The following HAPLN2 variants were observed in gnomAD, a reference collection of about 807,000 sequenced individuals.
The protein encoded by HAPLN2 is brain link protein-1.
In HAPLN2, 27 loss-of-function variants were observed where a neutral mutation model predicts 29.3. That is an observed-to-expected ratio of 0.92 (90% CI 0.68 to 1.27). The LOEUF (loss-of-function observed/expected upper bound fraction) is 1.27. HAPLN2 is among the 50% of genes most tolerant of loss of function. The pLI, the probability that HAPLN2 is intolerant of heterozygous loss-of-function variation, is 0.00. For synonymous variants in HAPLN2, 208 were observed against 211.7 expected, an observed-to-expected ratio of 0.98 and a Z score of 0.15; for missense variants, 454 against 484.3, an observed-to-expected ratio of 0.94 and a Z score of 0.59.
rs1678421716 is a variant in HAPLN2 at position 156,625,458 on chromosome 1, C to T, written c.*74C>T. 2.1e-6 allele frequency: 3 copies of T among 1,414,020 alleles called. No individual in the cohort carries two copies. Among genetic ancestry groups the T allele is most frequent in the Non-Finnish European group, 2.8e-6 (3 of 1,058,828 alleles). 87.6% of individuals were successfully genotyped at this position (1,414,020 alleles called of 1,614,324 possible). A position where few individuals can be genotyped will look rare whatever the true frequency, so the allele number is the denominator to read the frequency against. On this transcript the variant is annotated 3_prime_UTR_variant, in exon 7 of 7. Coordinates refer to ENST00000255039, the MANE Select transcript of HAPLN2 (RefSeq NM_021817.3). This position sits in a 1 kb window ranked among gnomAD's most constrained non-coding sequence, Gnocchi z 5.7. ...GGCGGGGGTCTCTCGCCACCCCTTT[C>T]CGGAGAGCCTCCCCTCCCTCCAGAC...
upstream of HAPLN2, among the ~76,000 whole-genome samples, chr1:156,618,224 C>G (rs1009403088): frequency 1.3e-4 from 19 of 150,410 alleles, 1 homozygote; most frequent in African/African-American, 4.7e-4. Context: ...TGGCTTGAAC[C>G]CGGGAGGCAG....
rs1261831807 is a variant in HAPLN2 at position 156,623,485 on chromosome 1, C to G, written c.-6C>G. The G allele has an allele frequency of 3.1e-6, 5 of 1,614,024 alleles. No homozygotes were observed. The South Asian group carries it at 5.5e-5, about 18-fold the overall frequency. On this transcript the variant is annotated 5_prime_UTR_variant, in exon 3 of 7. Transcript: ENST00000255039. ...CCTGCAGACGGTGCCGGGCTGACCC[C>G]CCATCATGCCAGGCTGGCTCACCCT...
the HAPLN2 span, among the ~76,000 whole-genome samples, chr1:156,603,342 G>A: frequency 2.0e-5 from 3 of 151,682 alleles, no homozygotes; most frequent in African/African-American, 2.4e-5. Context: ...CCACTGTGCC[G>A]GGGCAAACTT....
At chr1:156,612,841 C>T in the HAPLN2 span, among the ~76,000 whole-genome samples, 530 of 152,314 alleles carry the variant, frequency 3.5e-3, 3 homozygotes, top group African/African-American at 0.012. Flanking sequence ...GTAATTCTGC[C>T]AGTGGATTTA....
intron 6 of HAPLN2, 134 bp downstream of exon 6, chr1:156,624,917 G>A: frequency 2.8e-5 from 8 of 288,906 alleles, no homozygotes; most frequent in Non-Finnish European, 3.8e-5. Flanking sequence ...CAGCCCGCCC[G>A]CCCGCCCAGG....
upstream of HAPLN2, among the ~76,000 whole-genome samples, chr1:156,618,023 A>G (rs1173364311): frequency 6.6e-6 from 1 of 152,134 alleles, no homozygotes; most frequent in African/African-American, 2.4e-5. Flanking sequence ...TAGGCCCAGC[A>G]TGGTGGCTCA....
At chr1:156,623,705 G>T in intron 3 of HAPLN2, 102 bp from the exon 4 acceptor site, 1 of 1,506,468 alleles carries the variant, frequency 6.6e-7, no homozygotes. Context: ...ATGGAGGAGA[G>T]GGTTGGGGGG....
intron 2 of HAPLN2, among the ~76,000 whole-genome samples, chr1:156,622,203 A>G (rs978413072): frequency 6.6e-6 from 1 of 151,662 alleles, no homozygotes; most frequent in Non-Finnish European, 1.5e-5. Context: ...TAATCCCAGC[A>G]TTCTGGGAGG....
At chr1:156,612,866 C>T in the HAPLN2 span, among the ~76,000 whole-genome samples, 7 of 152,232 alleles carry the variant, frequency 4.6e-5, no homozygotes, top group Middle Eastern at 3.4e-3. Context: ...TAAAGGGAAG[C>T]GGAGGGTGCT....
intron 2 of HAPLN2, among the ~76,000 whole-genome samples, chr1:156,621,650 G>A (rs952438992): frequency 6.6e-6 from 1 of 151,708 alleles, no homozygotes; most frequent in East Asian, 1.9e-4. Context: ...CTTGAACCCG[G>A]GAGGTGGAGG....
chr1:156,625,049 C>T lies in HAPLN2; in HGVS notation c.740-52C>T. On this transcript the variant is annotated intron_variant, in intron 6 of 6. Transcript: ENST00000255039. The surrounding 1 kb of genome is among the most constrained non-coding windows in gnomAD (Gnocchi z 5.7). ...CCAACTCCGCCTCCTGGGTGTCAGCCGCCCCTCTCCGCCCACCCTGCCCTC... is the reference window on the plus strand; with the variant it reads ...CCAACTCCGCCTCCTGGGTGTCAGCTGCCCCTCTCCGCCCACCCTGCCCTC... 1 of 1,519,370 alleles carries T rather than the reference C, an allele frequency of 6.6e-7. No homozygotes were observed. Among genetic ancestry groups the T allele is most frequent in the Non-Finnish European group, 8.8e-7 (1 of 1,139,198 alleles). The allele number at this position is 1,519,370 out of a possible 1,614,324, so 94.1% of individuals were successfully genotyped here. A position where few individuals can be genotyped will look rare whatever the true frequency, so the allele number is the denominator to read the frequency against.
chr1:156,625,375 C>A lies in HAPLN2; in HGVS notation c.1014C>A (p.Ala338=), dbSNP rs1197947743. The stretch of plus-strand genomic sequence containing the variant: ...CAGCCTATGGGACCTACTGCTACGC[C>A]GAGAATTAGGCGCCCACCGTGTCCC... ...QQAAYGTYCY[A]EN The change falls in exon 7 of 7, where the codon GCC becomes GCA. Residue 338 remains alanine (A), a synonymous_variant. Coordinates refer to ENST00000255039, the MANE Select transcript of HAPLN2 (RefSeq NM_021817.3). The surrounding 1 kb of genome is among the most constrained non-coding windows in gnomAD (Gnocchi z 5.7). 5 of 1,590,470 alleles carry A rather than the reference C, an allele frequency of 3.1e-6. No individual in the cohort carries two copies. The East Asian group carries it at 9.1e-5, about 29-fold the overall frequency.
At chr1:156,615,217 C>T (rs1234504708), upstream of HAPLN2, 1 of 152,220 alleles carries the variant, frequency 6.6e-6, no homozygotes, top group African/African-American at 2.4e-5. Context: ...CTGTCCTCTA[C>T]TAGAAGGTCT....
intron 2 of HAPLN2, among the ~76,000 whole-genome samples, chr1:156,621,013 G>T (rs1678201133): frequency 6.6e-6 from 1 of 152,064 alleles, no homozygotes; most frequent in Middle Eastern, 3.4e-3. Flanking sequence ...AGGAACTTGT[G>T]CATGATAATT....
At chr1:156,623,602 T>C (rs907135878) in intron 3 of HAPLN2, 27 bp downstream of exon 3, 22 of 1,613,224 alleles carry the variant, frequency 1.4e-5, no homozygotes, top group East Asian at 2.2e-5. Context: ...GGCCAGAATC[T>C]GGGGGAGGCT....
Position 156,624,744 on chromosome 1 carries a change from G to C in HAPLN2, c.700G>C (p.Asp234His). Residue 234 changes from aspartate (D) to histidine (H), a missense_variant, in exon 6 of 7, where the codon GAC (aspartate) becomes CAC (histidine). Coordinates refer to ENST00000255039, the MANE Select transcript of HAPLN2 (RefSeq NM_021817.3). ...RSYGPRDRMRDRYDAFCFTSA... is the reference protein window; with the variant it reads ...RSYGPRDRMRHRYDAFCFTSA... ...CTACGGACCCCGCGACCGGATGCGC[G>C]ACCGCTACGACGCCTTCTGCTTCAC... 1.9e-6 allele frequency: 3 copies of C among 1,548,910 alleles called. No individual in the cohort carries two copies. Among genetic ancestry groups the C allele is most frequent in the Non-Finnish European group, 2.6e-6 (3 of 1,156,400 alleles).
chr1:156,605,499 C>T, the HAPLN2 span, among the ~76,000 whole-genome samples: 1 of 143,156 alleles, frequency 7.0e-6, no homozygotes, highest in South Asian at 2.3e-4. Flanking sequence ...ACTCTGGAGG[C>T]TGGGCAGGAG....
At chr1:156,607,087 A>G in the HAPLN2 span, among the ~76,000 whole-genome samples, 2 of 152,186 alleles carry the variant, frequency 1.3e-5, no homozygotes, top group African/African-American at 4.8e-5. Flanking sequence ...ACCTATCACA[A>G]TGGTCCTGAA....
the HAPLN2 span, among the ~76,000 whole-genome samples, chr1:156,607,483 A>C: frequency 1.2e-4 from 19 of 152,066 alleles, 1 homozygote; most frequent in Non-Finnish European, 2.1e-4. Flanking sequence ...CTGTCTCAAA[A>C]AAAAAAGAGA....
Sources: gnomAD v4.1 joint callset for allele counts (sites outside exome capture counted in the v4.1 genomes callset) on GRCh38, gnomAD v4.1.1 for gene constraint, Gnocchi (gnomAD v3.1) non-coding constraint, MANE v1.5 for transcripts, NCBI Gene and HGNC (gene_info 2026-07-23, HGNC 2026-07-21) for gene names.